The following ATRNL1 variants were observed in gnomAD, a reference collection of about 807,000 sequenced individuals.
The protein encoded by ATRNL1 is attractin-like protein 1.
ATRNL1 carries 95 observed loss-of-function variants against 182.7 expected under a neutral mutation model. That is an observed-to-expected ratio of 0.52 (90% CI 0.44 to 0.62). The LOEUF (loss-of-function observed/expected upper bound fraction) is 0.62, where lower values mean the gene tolerates loss of function less well. Ranked by LOEUF, ATRNL1 falls within the 20% of genes least tolerant of loss-of-function variation. The pLI, the probability that ATRNL1 is intolerant of heterozygous loss-of-function variation, is 0.00. For missense variants in ATRNL1, 1,471 were observed against 1,679.5 expected (o/e 0.88, Z 2.17); for synonymous variants, 576 against 568.3 (o/e 1.01, Z -0.19).
chr10:115,725,145 C>T (rs1333530535), intron 26 of ATRNL1, among the ~76,000 whole-genome samples: 1 of 152,074 alleles, frequency 6.6e-6, no homozygotes, highest in African/African-American at 2.4e-5. Flanking sequence ...GAATATTTTT[C>T]TTGTTCTTTA....
chr10:115,511,160 ATAT>A (rs1316600001), intron 24 of ATRNL1, among the ~76,000 whole-genome samples: 7 of 151,940 alleles, frequency 4.6e-5, no homozygotes, highest in Non-Finnish European at 8.8e-5. Context: ...CTGTGTAACC[ATAT>A]TTTTAAAAAT....
In ATRNL1 at chr10:115,858,826, C is replaced by A. The variant is rs1400284264; in HGVS notation, c.4018+10835C>A. 2.0e-5 allele frequency among the ~76,000 whole-genome samples: 3 copies of A among 151,686 alleles called. No homozygotes were observed. In the East Asian group the frequency reaches 5.8e-4, roughly 29 times the overall value. On this transcript the variant is annotated intron_variant, in intron 28 of 28. Coordinates refer to ENST00000355044, the MANE Select transcript of ATRNL1 (RefSeq NM_207303.4). ...TTAATTGGTTATGAATTAAATAGTCCTACTTTACATAGGTTTGGGAGAATT... is the reference window on the plus strand; with the variant it reads ...TTAATTGGTTATGAATTAAATAGTCATACTTTACATAGGTTTGGGAGAATT...
intron 9 of ATRNL1, among the ~76,000 whole-genome samples, chr10:115,228,761 T>C (rs1256579479): frequency 6.9e-6 from 1 of 144,336 alleles, no homozygotes; most frequent in Non-Finnish European, 1.6e-5. Context: ...TATATTTCTT[T>C]CTTTCTTTTT....
chr10:115,452,649 T>C (rs782180183), intron 21 of ATRNL1, among the ~76,000 whole-genome samples: 10 of 152,144 alleles, frequency 6.6e-5, no homozygotes, highest in Non-Finnish European at 1.3e-4. Flanking sequence ...ATCAAGACTA[T>C]AAATATATCC....
intron 19 of ATRNL1, among the ~76,000 whole-genome samples, chr10:115,366,420 G>T (rs368297705): frequency 6.6e-6 from 1 of 152,066 alleles, no homozygotes; most frequent in Admixed American, 6.5e-5. Context: ...GTCTCTACAC[G>T]TGAGATGGGT....
chr10:115,345,744 G>A (rs567527769), intron 19 of ATRNL1, among the ~76,000 whole-genome samples: 32 of 152,176 alleles, frequency 2.1e-4, no homozygotes, highest in Admixed American at 1.6e-3. Flanking sequence ...AGGAAACTCC[G>A]TACTCATGAA....
intron 1 of ATRNL1, among the ~76,000 whole-genome samples, chr10:115,109,865 G>A (rs1554867389): frequency 6.6e-6 from 1 of 152,112 alleles, no homozygotes; most frequent in African/African-American, 2.4e-5. Context: ...TTTTAAAGAT[G>A]TACAGTTCAC....
intron 28 of ATRNL1, among the ~76,000 whole-genome samples, chr10:115,932,930 C>T (rs1953447287): frequency 6.6e-6 from 1 of 151,658 alleles, no homozygotes. Context: ...CACTACCCAA[C>T]ACTTTAGCCT....
intron 26 of ATRNL1, among the ~76,000 whole-genome samples, chr10:115,601,330 T>C (rs1555015872): frequency 6.6e-6 from 1 of 152,152 alleles, no homozygotes; most frequent in Non-Finnish European, 1.5e-5. Flanking sequence ...GCATGTCCTA[T>C]ATATGTTAGA....
intron 26 of ATRNL1, among the ~76,000 whole-genome samples, chr10:115,642,501 T>C (rs1302906622): frequency 2.6e-5 from 4 of 151,624 alleles, no homozygotes; most frequent in Non-Finnish European, 5.9e-5. Flanking sequence ...TAGAGTGCAA[T>C]GGAGCAATCT....
chr10:115,547,536 G>A (rs1852737935), intron 25 of ATRNL1, among the ~76,000 whole-genome samples: 1 of 151,930 alleles, frequency 6.6e-6, no homozygotes, highest in South Asian at 2.1e-4. Flanking sequence ...GTTGAAATCA[G>A]GAAAATAACT....
intron 8 of ATRNL1, among the ~76,000 whole-genome samples, chr10:115,172,460 G>A (rs563945160): frequency 6.6e-6 from 1 of 151,940 alleles, no homozygotes; most frequent in Non-Finnish European, 1.5e-5. Flanking sequence ...TTGTAAATAT[G>A]CACTTAAGTA....
intron 10 of ATRNL1, among the ~76,000 whole-genome samples, chr10:115,244,443 G>GA (rs1300430779): frequency 5.7e-4 from 84 of 148,398 alleles, no homozygotes; most frequent in African/African-American, 1.8e-3. Flanking sequence ...AGGTTGGTTG[G>GA]AAAAAAAAAA....
intron 8 of ATRNL1, among the ~76,000 whole-genome samples, chr10:115,174,539 A>C (rs1847420720): frequency 6.6e-6 from 1 of 151,870 alleles, no homozygotes; most frequent in Admixed American, 6.6e-5. Context: ...AATTAAAAAT[A>C]AACAGTAAGT....
chr10:115,944,602 T>C, intron 28 of ATRNL1, 56 bp from the exon 29 acceptor site: 1 of 1,502,718 alleles, frequency 6.7e-7, no homozygotes, highest in South Asian at 1.4e-5. Context: ...ACCACCACTG[T>C]TGCCATCCCA....
At chr10:115,430,699 GT>G (rs782603280) in intron 21 of ATRNL1, among the ~76,000 whole-genome samples, 169 of 152,122 alleles carry the variant, frequency 1.1e-3, no homozygotes, top group Admixed American at 4.0e-3. Flanking sequence ...TTTTAAAAAT[GT>G]TACTGAGAAT....
Position 115,093,439 on chromosome 10 carries a change from G to A in ATRNL1, c.-312G>A. 1 of 475,652 alleles carries A rather than the reference G, an allele frequency of 2.1e-6. No individual in the cohort carries two copies. Among genetic ancestry groups the A allele is most frequent in the South Asian group, 1.9e-5 (1 of 51,572 alleles). The allele number at this position is 475,652 out of a possible 1,614,324, so 29.5% of individuals were successfully genotyped here. A position where few individuals can be genotyped will look rare whatever the true frequency, so the allele number is the denominator to read the frequency against. On this transcript the variant is annotated 5_prime_UTR_variant, in exon 1 of 29. Transcript: ENST00000355044. The surrounding 1 kb of genome is among the most constrained non-coding windows in gnomAD (Gnocchi z 6.1). The stretch of plus-strand genomic sequence containing the variant: ...TCCTGCCGGTCAGGTCCCCTCAGGA[G>A]CGCCGGGCGCAGTCTGCGCCTCCCG...
intron 10 of ATRNL1, among the ~76,000 whole-genome samples, chr10:115,248,103 G>A (rs1229031623): frequency 6.6e-6 from 1 of 152,146 alleles, no homozygotes; most frequent in African/African-American, 2.4e-5. Context: ...ACATTGTAGT[G>A]TTCTATACCA....
intron 28 of ATRNL1, among the ~76,000 whole-genome samples, chr10:115,917,469 C>CAAAAAAA (rs782543961): frequency 1.0e-5 from 1 of 95,384 alleles, no homozygotes; most frequent in Non-Finnish European, 1.9e-5. Context: ...GACTCTGTCT[C>CAAAAAAA]AAAAAAAAAA....
Sources: allele counts gnomAD v4.1 joint callset (sites outside exome capture counted in the v4.1 genomes callset), GRCh38; gene constraint gnomAD v4.1.1; non-coding constraint Gnocchi (gnomAD v3.1); transcripts MANE v1.5; gene names NCBI Gene and HGNC (gene_info 2026-07-23, HGNC 2026-07-21).